The following FRAS1 variants were observed in gnomAD, a reference collection of about 807,000 sequenced individuals.
FRAS1 encodes the protein Fraser extracellular matrix complex subunit 1.
FRAS1 carries 290 observed loss-of-function variants against 435.2 expected under a neutral mutation model. The observed-to-expected ratio is 0.67, with a 90% CI of 0.61 to 0.73. The LOEUF is 0.73. Among genes scored for constraint, FRAS1 ranks in the 30% least tolerant of loss-of-function variants. The pLI is 0.00. For missense variants in FRAS1, 4,860 were observed against 5,001.5 expected (o/e 0.97, Z 0.85); for synonymous variants, 1,800 against 1,851.0 (o/e 0.97, Z 0.71).
chr4:78,482,349 G>C (rs772540966), intron 57 of FRAS1, 39 bp from the exon 58 acceptor site: 2 of 1,613,038 alleles, frequency 1.2e-6, no homozygotes, highest in Non-Finnish European at 1.7e-6. Flanking sequence ...GTGTTAGATG[G>C]TGGGTCCTCT....
At chr4:78,093,322 A>G (rs1741628173) in intron 2 of FRAS1, among the ~76,000 whole-genome samples, 1 of 152,258 alleles carries the variant, frequency 6.6e-6, no homozygotes, top group Non-Finnish European at 1.5e-5. Flanking sequence ...CCAGTAATGG[A>G]AAGGAGTTAA....
At chr4:78,189,076 T>C (rs1453077068) in intron 2 of FRAS1, among the ~76,000 whole-genome samples, 1 of 152,238 alleles carries the variant, frequency 6.6e-6, no homozygotes, top group East Asian at 1.9e-4. Context: ...TGTTAAAGGA[T>C]ACAGTAAGTC....
intron 14 of FRAS1, among the ~76,000 whole-genome samples, chr4:78,301,120 C>A (rs938946005): frequency 1.3e-5 from 2 of 152,176 alleles, no homozygotes; most frequent in Non-Finnish European, 2.9e-5. Context: ...GGGATGCCTA[C>A]TTGAATTACT....
chr4:78,201,750 G>T (rs1723055264), intron 2 of FRAS1, among the ~76,000 whole-genome samples: 1 of 152,158 alleles, frequency 6.6e-6, no homozygotes. Context: ...TGTCGCTGAT[G>T]AGGAAAAAAG....
chr4:78,180,780 T>C (rs936336838), intron 2 of FRAS1: 52 of 1,010,714 alleles, frequency 5.1e-5, no homozygotes, highest in Non-Finnish European at 7.0e-5. Context: ...TTTTTTTTTT[T>C]AATTTGTCAT....
rs927091976 is a variant in FRAS1, at chr4:78,117,294, C to T, written c.108+51278C>T. ...TTCCTTCATTTCAACTTTGGTGAATCGGACAATTATGTGTCTTGGAGTTGC... is the reference window on the plus strand; with the variant it reads ...TTCCTTCATTTCAACTTTGGTGAATTGGACAATTATGTGTCTTGGAGTTGC... On this transcript the variant is annotated intron_variant, in intron 2 of 73. Coordinates refer to ENST00000512123, the MANE Select transcript of FRAS1 (RefSeq NM_025074.7). Among the ~76,000 whole-genome samples the T allele has an allele frequency of 1.4e-4, 21 of 152,260 alleles. No individual in the cohort carries two copies. In the East Asian group the frequency reaches 2.7e-3, roughly 20 times the overall value.
At chr4:78,259,747 G>A (rs76948425) in intron 6 of FRAS1, among the ~76,000 whole-genome samples, 29,393 of 126,322 alleles carry the variant, frequency 0.23, 4,067 homozygotes, top group Admixed American at 0.28. Context: ...TTTTGTTGCC[G>A]TTGCTTTTAG....
intron 2 of FRAS1, among the ~76,000 whole-genome samples, chr4:78,099,978 G>A (rs1742037316): frequency 6.6e-6 from 1 of 152,168 alleles, no homozygotes; most frequent in Admixed American, 6.5e-5. Flanking sequence ...GAAGGAAACT[G>A]GTGTTGAATG....
chr4:78,372,616 T>C, intron 23 of FRAS1, 102 bp from the exon 24 acceptor site: 1 of 1,414,788 alleles, frequency 7.1e-7, no homozygotes, highest in Non-Finnish European at 9.8e-7. Flanking sequence ...TACGTTGTCC[T>C]TATTTTACTC....
intron 2 of FRAS1, among the ~76,000 whole-genome samples, chr4:78,131,380 A>T (rs958028997): frequency 3.9e-5 from 6 of 152,112 alleles, no homozygotes; most frequent in African/African-American, 1.4e-4. Context: ...CACCCCATCT[A>T]AACTCTTTAT....
chr4:78,469,782 T>C (rs1362768506), intron 50 of FRAS1, among the ~76,000 whole-genome samples, 196 bp from the exon 51 acceptor site: 1 of 152,140 alleles, frequency 6.6e-6, no homozygotes, highest in African/African-American at 2.4e-5. Context: ...TCTTCCTACA[T>C]TGTTCTCACT....
intron 9 of FRAS1, among the ~76,000 whole-genome samples, chr4:78,270,539 G>GC (rs1406034386): frequency 2.8e-4 from 20 of 70,644 alleles, no homozygotes; most frequent in Non-Finnish European, 4.3e-4. Context: ...ACCGCCCCCC[G>GC]CCACCCCGCC....
intron 2 of FRAS1, among the ~76,000 whole-genome samples, chr4:78,176,963 G>C (rs1337353396): frequency 6.6e-6 from 1 of 152,148 alleles, no homozygotes; most frequent in Admixed American, 6.5e-5. Context: ...AGGGACCTTT[G>C]TCTTGTATTG....
chr4:78,299,073 AGGAAGGAGCCAGCGACGTTGTG>A (rs1728272667), intron 14 of FRAS1, among the ~76,000 whole-genome samples: 1 of 152,228 alleles, frequency 6.6e-6, no homozygotes. Context: ...TTAGGGGCTA[AGGAAGGAGCCAGCGACGTTGTG>A]GGCTGGGCGA....
At chr4:78,253,567 C>T (rs559934714) in intron 5 of FRAS1, among the ~76,000 whole-genome samples, 7 of 152,112 alleles carry the variant, frequency 4.6e-5, no homozygotes, top group Non-Finnish European at 7.4e-5. Flanking sequence ...CCCTGACTTC[C>T]CGCAACACAT....
intron 28 of FRAS1, 70 bp downstream of exon 28, chr4:78,384,213 C>A: frequency 9.2e-7 from 1 of 1,085,204 alleles, no homozygotes; most frequent in Non-Finnish European, 1.3e-6. Flanking sequence ...ATCTAGGTTT[C>A]CTGTGGATTT....
At chr4:78,215,490 G>A (rs572826215) in intron 2 of FRAS1, among the ~76,000 whole-genome samples, 14 of 152,116 alleles carry the variant, frequency 9.2e-5, no homozygotes, top group East Asian at 3.9e-4. Context: ...CACCGCACCC[G>A]GCCAATTATT....
At chr4:78,279,076 G>T (rs550030642) in intron 10 of FRAS1, among the ~76,000 whole-genome samples, 2 of 152,282 alleles carry the variant, frequency 1.3e-5, no homozygotes, top group South Asian at 4.1e-4. Context: ...GGTGGGGTGT[G>T]GGGGATGTGT....
At chr4:78,249,064 C>CATATATATATATATAT (rs200267733) in intron 4 of FRAS1, among the ~76,000 whole-genome samples, 16 of 16,592 alleles carry the variant, frequency 9.6e-4, no homozygotes, top group South Asian at 7.8e-3. Flanking sequence ...TATATATATG[C>CATATATATATATATAT]ATATATATAT....
Sources: allele counts gnomAD v4.1 joint callset (sites outside exome capture counted in the v4.1 genomes callset), GRCh38; gene constraint gnomAD v4.1.1; transcripts MANE v1.5; gene names NCBI Gene and HGNC (gene_info 2026-07-23, HGNC 2026-07-21).